ZC3H12C: variants seen among roughly 807,000 people sequenced by gnomAD.
ZC3H12C encodes zinc finger CCCH-type containing 12C.
In ZC3H12C, 20 loss-of-function variants were observed where a neutral mutation model predicts 76.3. The observed-to-expected ratio is 0.26, with a 90% CI of 0.18 to 0.38. ZC3H12C has a LOEUF of 0.38. ZC3H12C is among the 10% of genes least tolerant of loss of function. The pLI, the probability that ZC3H12C is intolerant of heterozygous loss-of-function variation, is 1.00. For missense variants in ZC3H12C, 874 were observed against 1,086.5 expected, an observed-to-expected ratio of 0.80 and a Z score of 2.75; for synonymous variants, 352 against 399.6, an observed-to-expected ratio of 0.88 and a Z score of 1.42.
At chr11:110,137,808 T>C (rs1315126317) in intron 2 of ZC3H12C, among the ~76,000 whole-genome samples, 1 of 152,252 alleles carries the variant, frequency 6.6e-6, no homozygotes, top group Non-Finnish European at 1.5e-5. Context: ...ACCCTAATTC[T>C]TCTAGAAAAT....
intron 1 of ZC3H12C, among the ~76,000 whole-genome samples, chr11:110,118,177 C>G (rs966091152): frequency 2.7e-5 from 4 of 150,388 alleles, no homozygotes; most frequent in African/African-American, 9.8e-5. Context: ...CCATTAATAT[C>G]AGAAACAACA....
At chr11:110,119,256 T>G (rs895268645) in intron 1 of ZC3H12C, among the ~76,000 whole-genome samples, 2 of 152,152 alleles carry the variant, frequency 1.3e-5, no homozygotes, top group African/African-American at 2.4e-5. Flanking sequence ...TTCAGCAGTT[T>G]CCCATCTCAA....
intron 2 of ZC3H12C, among the ~76,000 whole-genome samples, chr11:110,139,059 G>A (rs658480): frequency 0.43 from 65,969 of 151,976 alleles, 14,641 homozygotes; most frequent in East Asian, 0.58. Context: ...TGTAAGTAGT[G>A]TGCCTTCCAT....
chr11:110,108,335 A>G (rs184449237), intron 1 of ZC3H12C, among the ~76,000 whole-genome samples: 111 of 152,276 alleles, frequency 7.3e-4, no homozygotes, highest in African/African-American at 2.6e-3. Context: ...ACTGTTTGAA[A>G]GCTCCTGCTC....
intron 1 of ZC3H12C, among the ~76,000 whole-genome samples, chr11:110,129,306 C>A (rs1301409235): frequency 6.6e-6 from 1 of 152,038 alleles, no homozygotes; most frequent in Non-Finnish European, 1.5e-5. Context: ...TTTTAGTTTT[C>A]TTTCTGGAAA....
At chr11:110,096,542 G>T (rs766693819) in intron 1 of ZC3H12C, among the ~76,000 whole-genome samples, 1 of 152,184 alleles carries the variant, frequency 6.6e-6, no homozygotes, top group Non-Finnish European at 1.5e-5. Flanking sequence ...TGAGTAACTT[G>T]CCCAAAGTCA....
At chr11:110,101,112 G>A (rs1269808655) in intron 1 of ZC3H12C, among the ~76,000 whole-genome samples, 1 of 152,162 alleles carries the variant, frequency 6.6e-6, no homozygotes, top group Non-Finnish European at 1.5e-5. Flanking sequence ...GGTCTGGATA[G>A]ACAATCAAGC....
chr11:110,099,067 G>T (rs144322205), intron 1 of ZC3H12C, among the ~76,000 whole-genome samples: 1 of 152,078 alleles, frequency 6.6e-6, no homozygotes, highest in South Asian at 2.1e-4. Flanking sequence ...CTCATTTAAC[G>T]TACACTAAGG....
intron 2 of ZC3H12C, among the ~76,000 whole-genome samples, chr11:110,144,006 C>T (rs1862116861): frequency 6.6e-6 from 1 of 152,098 alleles, no homozygotes; most frequent in Admixed American, 6.5e-5. Context: ...AGCAAACTTA[C>T]AGGTCAAGTT....
chr11:110,148,208 T>C (rs1000411064), intron 2 of ZC3H12C, among the ~76,000 whole-genome samples: 5 of 152,230 alleles, frequency 3.3e-5, no homozygotes, highest in Admixed American at 1.3e-4. Flanking sequence ...AATAATCCCT[T>C]TGAGTGGGGT....
At position 110,119,794 on chromosome 11, in the gene ZC3H12C, C is replaced by A. The variant is rs184727841; in HGVS notation, c.22-16869C>A. Among the ~76,000 whole-genome samples the A allele has an allele frequency of 1.8e-4, 28 of 152,246 alleles. 2 individuals carry two copies. In the East Asian group the frequency reaches 5.2e-3, roughly 28 times the overall value. ...GCATCCTCTCAGAGTGATAGCGGGG[C>A]GAAGGAGCTTGCTCAAGCCTCTTTT... On this transcript the variant is annotated intron_variant, in intron 1 of 5. Transcript: ENST00000278590.
Position 110,159,734 on chromosome 11 carries a change from G to A in ZC3H12C, c.1148+244G>A, listed in dbSNP as rs574870314. 4.6e-5 allele frequency among the ~76,000 whole-genome samples: 7 copies of A among 152,294 alleles called. 1 individual carries two copies. The highest frequency in any genetic ancestry group is 1.7e-4 in the African/African-American group (7 of 41,566). On this transcript the variant is annotated intron_variant, in intron 4 of 5. Coordinates refer to ENST00000278590, the MANE Select transcript of ZC3H12C (RefSeq NM_033390.2). ...CACTCATAGAACACCTAAGGTAGAG[G>A]AAGTCTTCTAAGACTATGTCTGGAG...
intron 1 of ZC3H12C, among the ~76,000 whole-genome samples, chr11:110,135,242 C>G (rs1247313589): frequency 6.6e-6 from 1 of 152,110 alleles, no homozygotes; most frequent in African/African-American, 2.4e-5. Flanking sequence ...GTAATCCCAG[C>G]ATTTTGGGAG....
At chr11:110,114,817 C>CA (rs923832639) in intron 1 of ZC3H12C, among the ~76,000 whole-genome samples, 1 of 152,066 alleles carries the variant, frequency 6.6e-6, no homozygotes, top group Admixed American at 6.6e-5. Context: ...TTTTTTTACA[C>CA]AAACGATTTT....
chr11:110,141,334 G>C (rs1862064411), intron 2 of ZC3H12C, among the ~76,000 whole-genome samples: 1 of 152,198 alleles, frequency 6.6e-6, no homozygotes, highest in African/African-American at 2.4e-5. Flanking sequence ...AATACAAGCA[G>C]AGTTTAGCAA....
At chr11:110,130,580 G>C (rs937226139) in intron 1 of ZC3H12C, among the ~76,000 whole-genome samples, 2 of 152,128 alleles carry the variant, frequency 1.3e-5, no homozygotes, top group East Asian at 3.8e-4. Flanking sequence ...AAAGCTAATA[G>C]ACTACAGTAT....
chr11:110,114,309 G>A (rs1347478780), intron 1 of ZC3H12C, among the ~76,000 whole-genome samples: 1 of 152,102 alleles, frequency 6.6e-6, no homozygotes, highest in Non-Finnish European at 1.5e-5. Context: ...TGTATACTCA[G>A]TTTATATGTC....
chr11:110,146,054 T>G (rs924505249), intron 2 of ZC3H12C, among the ~76,000 whole-genome samples: 3 of 152,194 alleles, frequency 2.0e-5, no homozygotes, highest in African/African-American at 7.2e-5. Context: ...TGGCGCGATC[T>G]CGGCTCACTG....
In ZC3H12C at chr11:110,164,424, C is replaced by G. The variant is rs1432513945; in HGVS notation, c.1339C>G (p.Leu447Val). ...GCCACAGCGGTCAGTGGCTGATGAA[C>G]TCCGTGCCATGTCTAGAAATACGGC... is the stretch of plus-strand genomic sequence containing the variant. Reference protein sequence around the residue: ...SQPQRSVADELRAMSRNTAAK... With the variant: ...SQPQRSVADEVRAMSRNTAAK... Residue 447 changes from leucine (L) to valine (V), a missense_variant, in exon 6 of 6, where the codon CTC (leucine) becomes GTC (valine). Coordinates refer to ENST00000278590, the MANE Select transcript of ZC3H12C (RefSeq NM_033390.2). This position sits in a 1 kb window ranked among gnomAD's most constrained non-coding sequence, Gnocchi z 5.7. The G allele has an allele frequency of 6.2e-7, 1 of 1,614,016 alleles. No homozygotes were observed. The highest frequency in any genetic ancestry group is 1.7e-5 in the Admixed American group (1 of 60,024).
Sources: allele counts gnomAD v4.1 joint callset (sites outside exome capture counted in the v4.1 genomes callset), GRCh38; gene constraint gnomAD v4.1.1; non-coding constraint Gnocchi (gnomAD v3.1); transcripts MANE v1.5; gene names NCBI Gene and HGNC (gene_info 2026-07-23, HGNC 2026-07-21).